The following LRMDA variants were observed in gnomAD, a reference collection of about 807,000 sequenced individuals.
LRMDA encodes the protein leucine rich melanocyte differentiation associated.
In LRMDA, 18 loss-of-function variants were observed where a neutral mutation model predicts 29.8. The observed-to-expected ratio is 0.60, with a 90% CI of 0.42 to 0.90. LRMDA has a LOEUF of 0.90. LRMDA is among the 40% of genes least tolerant of loss of function. LRMDA has a pLI of 0.00. For synonymous variants in LRMDA, 125 were observed against 109.4 expected (o/e 1.14, Z -0.89); for missense variants, 273 against 273.9 (o/e 1.00, Z 0.02).
chr10:75,938,853 C>G (rs192530026), intron 2 of LRMDA, among the ~76,000 whole-genome samples: 124 of 152,226 alleles, frequency 8.1e-4, no homozygotes, highest in Middle Eastern at 3.4e-3. Flanking sequence ...TGTGTGAAGA[C>G]AAAGTGAGAA....
At chr10:76,141,185 C>T (rs762346009) in intron 5 of LRMDA, among the ~76,000 whole-genome samples, 1 of 152,070 alleles carries the variant, frequency 6.6e-6, no homozygotes, top group African/African-American at 2.4e-5. Context: ...ATTCTCTTTG[C>T]TCTTATATCA....
At chr10:76,002,660 T>C (rs2132470422) in intron 2 of LRMDA, among the ~76,000 whole-genome samples, 1 of 152,264 alleles carries the variant, frequency 6.6e-6, no homozygotes, top group Non-Finnish European at 1.5e-5. Context: ...CTGTTATGTG[T>C]GGAGTTACAA....
chr10:76,327,617 A>C (rs531400227), intron 6 of LRMDA, among the ~76,000 whole-genome samples: 18 of 152,330 alleles, frequency 1.2e-4, no homozygotes, highest in Middle Eastern at 3.4e-3. Context: ...CCTCCTACCT[A>C]AATGGCGCTC....
chr10:75,682,365 A>C, intron 2 of LRMDA, among the ~76,000 whole-genome samples: 1 of 152,174 alleles, frequency 6.6e-6, no homozygotes, highest in East Asian at 1.9e-4. Flanking sequence ...GCAGGAATGC[A>C]TGAGAGAAGT....
chr10:76,488,906 G>T (rs183462805), intron 6 of LRMDA, among the ~76,000 whole-genome samples: 1 of 151,906 alleles, frequency 6.6e-6, no homozygotes, highest in Admixed American at 6.6e-5. Context: ...GTATTTTCTT[G>T]GGGATTTTTG....
At chr10:76,138,577 T>A (rs182782154) in intron 5 of LRMDA, among the ~76,000 whole-genome samples, 157 of 152,292 alleles carry the variant, frequency 1.0e-3, no homozygotes, top group African/African-American at 3.6e-3. Flanking sequence ...AGAGTAAGTT[T>A]TTTTGGCATT....
chr10:76,518,280 C>CATCTATCTATCT (rs10568061), intron 6 of LRMDA, among the ~76,000 whole-genome samples: 3,192 of 146,656 alleles, frequency 0.022, 42 homozygotes, highest in East Asian at 0.03. Context: ...ATTTATCTAT[C>CATCTATCTATCT]ATCTATCTAT....
At chr10:76,551,931 G>C (rs149325762) in intron 6 of LRMDA, among the ~76,000 whole-genome samples, 2 of 152,312 alleles carry the variant, frequency 1.3e-5, no homozygotes, top group East Asian at 3.9e-4. Context: ...TGAGAGAACA[G>C]GAGTTCTGTG....
intron 5 of LRMDA, among the ~76,000 whole-genome samples, chr10:76,302,791 T>G (rs7899929): frequency 0.12 from 18,727 of 152,246 alleles, 1,829 homozygotes; most frequent in African/African-American, 0.27. Context: ...TAGAAGTGTT[T>G]TGTGTGACCA....
At chr10:76,201,781 T>A (rs1045847558) in intron 5 of LRMDA, among the ~76,000 whole-genome samples, 3 of 152,242 alleles carry the variant, frequency 2.0e-5, no homozygotes, top group Non-Finnish European at 4.4e-5. Context: ...TCAGAACTGC[T>A]ATATCAATTA....
rs749913703 is a variant in LRMDA, at chr10:75,782,934, G to T, written c.132-253074G>T. The T allele has an allele frequency of 5.0e-6, 8 of 1,612,970 alleles. No homozygotes were observed. In the East Asian group the frequency reaches 1.6e-4, roughly 31 times the overall value. ...CCAACAGTGGCATCTGCTCAGTGTA[G>T]CCATCAAGAATTTGAATGTCAATAT... On this transcript the variant is annotated intron_variant, in intron 2 of 6. Coordinates refer to ENST00000611255, the MANE Select transcript of LRMDA (RefSeq NM_001305581.2).
chr10:75,510,866 C>G (rs1333401030), intron 2 of LRMDA, among the ~76,000 whole-genome samples: 8 of 152,088 alleles, frequency 5.3e-5, no homozygotes, highest in Admixed American at 4.6e-4. Flanking sequence ...CTGAAATAGC[C>G]ACACATATCC....
intron 2 of LRMDA, among the ~76,000 whole-genome samples, chr10:75,886,616 C>T (rs1052255410): frequency 1.3e-5 from 2 of 152,194 alleles, no homozygotes; most frequent in African/African-American, 4.8e-5. Flanking sequence ...GAGTTATAAT[C>T]TGTGTGACAG....
chr10:75,848,159 C>T (rs1234524798), intron 2 of LRMDA, among the ~76,000 whole-genome samples: 1 of 152,100 alleles, frequency 6.6e-6, no homozygotes, highest in Non-Finnish European at 1.5e-5. Context: ...GTAGAAGCAG[C>T]CCAAATGTCC....
At position 76,385,286 on chromosome 10, in the gene LRMDA, C is replaced by A. The variant is rs147275195; in HGVS notation, c.601+60801C>A. The stretch of plus-strand genomic sequence containing the variant: ...TTTGCTTTTACTTTTATGTACCAAT[C>A]GAGTGTACTCTATTTCTGTTGGTGC... On this transcript the variant is annotated intron_variant, in intron 6 of 6. Transcript: ENST00000611255. Among the ~76,000 whole-genome samples the A allele has an allele frequency of 7.2e-5, 11 of 152,268 alleles. No homozygotes were observed. The South Asian group carries it at 1.2e-3, about 17-fold the overall frequency.
intron 5 of LRMDA, among the ~76,000 whole-genome samples, chr10:76,223,477 A>T (rs1172644889): frequency 6.6e-6 from 1 of 152,184 alleles, no homozygotes; most frequent in Admixed American, 6.6e-5. Context: ...AGACTGAATC[A>T]TGTGTTCCCC....
chr10:75,702,622 C>T (rs552031894), intron 2 of LRMDA, among the ~76,000 whole-genome samples: 1 of 152,086 alleles, frequency 6.6e-6, no homozygotes. Context: ...GGAAAAAAAC[C>T]CCACAAATAT....
intron 6 of LRMDA, among the ~76,000 whole-genome samples, chr10:76,361,792 G>C (rs1374561362): frequency 6.6e-6 from 1 of 152,150 alleles, no homozygotes; most frequent in Non-Finnish European, 1.5e-5. Flanking sequence ...ACTATTATAT[G>C]TTTAGTTAAA....
chr10:75,753,941 G>A (rs1564558960), intron 2 of LRMDA, among the ~76,000 whole-genome samples: 1 of 152,204 alleles, frequency 6.6e-6, no homozygotes, highest in Non-Finnish European at 1.5e-5. Context: ...GCATTTGCTG[G>A]TGCATTGACT....
Sources: allele counts gnomAD v4.1 joint callset (sites outside exome capture counted in the v4.1 genomes callset), GRCh38; gene constraint gnomAD v4.1.1; transcripts MANE v1.5; gene names NCBI Gene and HGNC (gene_info 2026-07-23, HGNC 2026-07-21).